The following SLC35D4 variants were observed in gnomAD, a reference collection of about 807,000 sequenced individuals.
SLC35D4 encodes solute carrier family 35 member D4.
chr18:23,257,089 T>G, the SLC35D4 span: 1 of 943,362 alleles, frequency 1.1e-6, no homozygotes, highest in Non-Finnish European at 1.6e-6. Context: ...GTGCCTCCCT[T>G]TCTTCCTCCA....
At chr18:23,367,297 AGC>A in the SLC35D4 span, among the ~76,000 whole-genome samples, 151,702 of 152,294 alleles carry the variant, frequency 1, 75,561 homozygotes, top group Non-Finnish European at 1. Flanking sequence ...CAGGCCATTC[AGC>A]GCACTTGAAA....
At chr18:23,309,807 AT>A in the SLC35D4 span, 1 of 1,503,210 alleles carries the variant, frequency 6.7e-7, no homozygotes, top group Non-Finnish European at 9.3e-7. Flanking sequence ...CTCCAATGTC[AT>A]TTTTTTCACA....
the SLC35D4 span, chr18:23,365,693 C>A: frequency 6.2e-7 from 1 of 1,611,582 alleles, no homozygotes; most frequent in East Asian, 2.2e-5. Context: ...GCAAAGTAGT[C>A]AAGAAGTTTC....
chr18:23,341,995 A>G, the SLC35D4 span, among the ~76,000 whole-genome samples: 5 of 11,522 alleles, frequency 4.3e-4, no homozygotes, highest in African/African-American at 3.1e-3. Flanking sequence ...ATACACAGGA[A>G]AAAAAAAAAT....
At chr18:23,256,166 A>T in the SLC35D4 span, among the ~76,000 whole-genome samples, 1 of 152,216 alleles carries the variant, frequency 6.6e-6, no homozygotes, top group Non-Finnish European at 1.5e-5. Context: ...GGTAGGATTT[A>T]TTTTATTAAG....
the SLC35D4 span, among the ~76,000 whole-genome samples, chr18:23,269,000 A>G: frequency 6.6e-6 from 1 of 152,228 alleles, no homozygotes; most frequent in Admixed American, 6.5e-5. Context: ...TGTCAGAGAT[A>G]GTCAGATCTC....
the SLC35D4 span, among the ~76,000 whole-genome samples, chr18:23,367,397 G>T: frequency 6.6e-6 from 1 of 152,150 alleles, no homozygotes; most frequent in African/African-American, 2.4e-5. Flanking sequence ...GATAGAAGAG[G>T]TTGCAGAGGG....
chr18:23,365,528 G>A, the SLC35D4 span: 5 of 1,324,038 alleles, frequency 3.8e-6, no homozygotes, highest in Non-Finnish European at 5.2e-6. Flanking sequence ...CAGTCATCCT[G>A]GGGGGCAATG....
the SLC35D4 span, among the ~76,000 whole-genome samples, chr18:23,290,055 C>T: frequency 5.3e-5 from 8 of 152,204 alleles, no homozygotes; most frequent in Admixed American, 5.2e-4. Context: ...GAAAGATACA[C>T]GTCCTCCATC....
At chr18:23,247,771 A>G in the SLC35D4 span, among the ~76,000 whole-genome samples, 1 of 152,242 alleles carries the variant, frequency 6.6e-6, no homozygotes, top group African/African-American at 2.4e-5. Flanking sequence ...TGAAGAGAGC[A>G]CAGCAGACAG....
At chr18:23,260,810 TGA>T in the SLC35D4 span, among the ~76,000 whole-genome samples, 5,283 of 152,178 alleles carry the variant, frequency 0.035, 299 homozygotes, top group African/African-American at 0.12. Flanking sequence ...GGGAGTAAAC[TGA>T]GTGTAAATCT....
At chr18:23,298,206 A>T in the SLC35D4 span, 1 of 952,300 alleles carries the variant, frequency 1.1e-6, no homozygotes, top group Non-Finnish European at 1.6e-6. Context: ...CCATGCTTCC[A>T]GGTCAAGCCC....
chr18:23,286,370 C>T, the SLC35D4 span, among the ~76,000 whole-genome samples: 2 of 152,202 alleles, frequency 1.3e-5, no homozygotes, highest in African/African-American at 4.8e-5. Context: ...CAGGATTCCT[C>T]CTAAGCTGTG....
At chr18:23,387,000 C>A in the SLC35D4 span, among the ~76,000 whole-genome samples, 82 of 152,308 alleles carry the variant, frequency 5.4e-4, 1 homozygote, top group African/African-American at 1.8e-3. Flanking sequence ...ACCTCCACCT[C>A]CTGGGTTCAA....
At chr18:23,411,344 G>A in the SLC35D4 span, among the ~76,000 whole-genome samples, 234 of 146,744 alleles carry the variant, frequency 1.6e-3, 1 homozygote, top group African/African-American at 5.7e-3. Flanking sequence ...GGAAAGGGAA[G>A]AGAAGGGAGA....
At chr18:23,278,098 G>GA in the SLC35D4 span, among the ~76,000 whole-genome samples, 2 of 152,086 alleles carry the variant, frequency 1.3e-5, no homozygotes, top group African/African-American at 2.4e-5. Flanking sequence ...GGGAAGGGAG[G>GA]AAAAATGGGT....
the SLC35D4 span, among the ~76,000 whole-genome samples, chr18:23,247,709 G>C: frequency 6.6e-6 from 1 of 152,248 alleles, no homozygotes; most frequent in Non-Finnish European, 1.5e-5. Flanking sequence ...TCTTGAGCCT[G>C]TGTTCTTCCC....
At chr18:23,331,323 CG>C in the SLC35D4 span, 1 of 152,232 alleles carries the variant, frequency 6.6e-6, no homozygotes, top group East Asian at 1.9e-4. Context: ...TCAGGAGAAA[CG>C]GTGGCCACCG....
At chr18:23,371,926 G>GTTTTTTTTTTTTTTTTTTTTT in the SLC35D4 span, among the ~76,000 whole-genome samples, 2 of 11,862 alleles carry the variant, frequency 1.7e-4, 1 homozygote, top group African/African-American at 5.4e-4. Flanking sequence ...TTTCTTCCTT[G>GTTTTTTTTTTTTTTTTTTTTT]TTTTTTTTGT....
Sources: allele counts gnomAD v4.1 joint callset (sites outside exome capture counted in the v4.1 genomes callset), GRCh38; gene constraint gnomAD v4.1.1; transcripts MANE v1.5; gene names NCBI Gene and HGNC (gene_info 2026-07-23, HGNC 2026-07-21).